The following AUH variants were observed in gnomAD, a reference collection of about 807,000 sequenced individuals.
The protein encoded by AUH is methylglutaconyl-CoA hydratase, mitochondrial.
A neutral mutation model predicts 42.3 loss-of-function variants in AUH; 29 were observed. That is an observed-to-expected ratio of 0.69 (90% CI 0.51 to 0.93). The LOEUF (loss-of-function observed/expected upper bound fraction) is 0.93, where lower values mean the gene tolerates loss of function less well. Among genes scored for constraint, AUH ranks in the 40% least tolerant of loss-of-function variants. The pLI is 0.00. For synonymous variants in AUH, 174 were observed against 166.4 expected (o/e 1.05, Z -0.35); for missense variants, 452 against 438.1 (o/e 1.03, Z -0.28).
chr9:91,233,282 G>C (rs1827993174), intron 6 of AUH, among the ~76,000 whole-genome samples: 1 of 152,150 alleles, frequency 6.6e-6, no homozygotes, highest in South Asian at 2.1e-4. Context: ...ACACAGGTCT[G>C]GGGAATGCAT....
chr9:91,247,270 G>GC (rs1290586226), intron 6 of AUH, among the ~76,000 whole-genome samples: 1 of 152,132 alleles, frequency 6.6e-6, no homozygotes, highest in Non-Finnish European at 1.5e-5. Context: ...GTGCTACTCT[G>GC]CAAGAGGGTA....
chr9:91,222,815 C>CT (rs1262954204), intron 6 of AUH, among the ~76,000 whole-genome samples: 1 of 152,150 alleles, frequency 6.6e-6, no homozygotes, highest in South Asian at 2.1e-4. Context: ...GGAAATGGTT[C>CT]TTTCTCATGT....
In AUH at chr9:91,318,057, T is replaced by C. The variant is rs527840114; in HGVS notation, c.505+7261A>G. On this transcript the variant is annotated intron_variant, in intron 4 of 9. Coordinates refer to ENST00000375731, the MANE Select transcript of AUH (RefSeq NM_001698.3). ...CTATTCCTTTCTTCCATTGTTTCTC[T>C]CGGATTTAGGTATAAAGATTACACT... Among the ~76,000 whole-genome samples, 235 of 152,356 alleles carry C rather than the reference T, an allele frequency of 1.5e-3. 2 individuals are homozygous for C. Among genetic ancestry groups the C allele is most frequent in the Non-Finnish European group, 2.5e-3 (169 of 68,038 alleles).
chr9:91,336,439 G>C (rs771563302), intron 3 of AUH, among the ~76,000 whole-genome samples: 1 of 152,016 alleles, frequency 6.6e-6, no homozygotes, highest in Admixed American at 6.6e-5. Context: ...AGACCAGTCT[G>C]GCTAACATGG....
At chr9:91,346,201 A>G (rs1465712461) in intron 3 of AUH, among the ~76,000 whole-genome samples, 3 of 152,124 alleles carry the variant, frequency 2.0e-5, no homozygotes, top group Admixed American at 1.3e-4. Context: ...GGTCACCAGA[A>G]ATATCAAGCC....
chr9:91,310,737 A>G (rs937471992), intron 4 of AUH, among the ~76,000 whole-genome samples: 12 of 152,198 alleles, frequency 7.9e-5, no homozygotes, highest in Admixed American at 5.2e-4. Flanking sequence ...ATATAATGGA[A>G]CTTCAAGCTT....
At chr9:91,295,015 A>G (rs371192953) in intron 6 of AUH, among the ~76,000 whole-genome samples, 24 of 152,166 alleles carry the variant, frequency 1.6e-4, no homozygotes, top group Admixed American at 7.2e-4. Context: ...AGATCACTGA[A>G]CCATGGAGGC....
chr9:91,325,952 A>T (rs1310737523), intron 3 of AUH, among the ~76,000 whole-genome samples: 1 of 152,148 alleles, frequency 6.6e-6, no homozygotes, highest in Non-Finnish European at 1.5e-5. Flanking sequence ...TGTCAACCAC[A>T]AGGGAGAAGC....
intron 1 of AUH, among the ~76,000 whole-genome samples, chr9:91,360,684 G>GC (rs1409817676): frequency 6.6e-6 from 1 of 152,132 alleles, no homozygotes; most frequent in African/African-American, 2.4e-5. Flanking sequence ...AGGTATTACA[G>GC]CCCTTTCCTC....
At chr9:91,238,867 A>T (rs890780864) in intron 6 of AUH, among the ~76,000 whole-genome samples, 4 of 152,232 alleles carry the variant, frequency 2.6e-5, no homozygotes, top group Admixed American at 6.5e-5. Context: ...GCCTCTTGGG[A>T]GCCATGAGAA....
chr9:91,221,104 T>C, intron 6 of AUH, 112 bp from the exon 7 acceptor site: 1 of 1,201,418 alleles, frequency 8.3e-7, no homozygotes, highest in Non-Finnish European at 1.2e-6. Flanking sequence ...AGTTTATATG[T>C]TAAAATTAGT....
intron 6 of AUH, among the ~76,000 whole-genome samples, chr9:91,248,792 T>C (rs1473992443): frequency 6.6e-6 from 1 of 152,188 alleles, no homozygotes; most frequent in African/African-American, 2.4e-5. Flanking sequence ...CAAAAGGATG[T>C]GATTTCAGGA....
chr9:91,252,812 A>C (rs1829208799), intron 6 of AUH, among the ~76,000 whole-genome samples: 1 of 152,224 alleles, frequency 6.6e-6, no homozygotes, highest in Non-Finnish European at 1.5e-5. Context: ...ACCTTTTGAC[A>C]TGGAGGTACC....
intron 6 of AUH, among the ~76,000 whole-genome samples, chr9:91,285,334 T>G (rs1376986353): frequency 1.3e-5 from 2 of 151,782 alleles, no homozygotes; most frequent in African/African-American, 2.4e-5. Flanking sequence ...GGGGGAGGGA[T>G]AGCATTAGGA....
At chr9:91,275,079 C>T (rs907149743) in intron 6 of AUH, among the ~76,000 whole-genome samples, 11 of 152,226 alleles carry the variant, frequency 7.2e-5, no homozygotes, top group African/African-American at 2.7e-4. Flanking sequence ...ACAACACACA[C>T]TGGGTGGTGA....
chr9:91,307,345 C>A (rs1437474976), intron 4 of AUH, among the ~76,000 whole-genome samples: 1 of 152,132 alleles, frequency 6.6e-6, no homozygotes, highest in Non-Finnish European at 1.5e-5. Flanking sequence ...TGAACAAGGG[C>A]TGATGCAGAG....
intron 6 of AUH, among the ~76,000 whole-genome samples, chr9:91,230,073 C>T (rs1174415995): frequency 2.6e-5 from 4 of 151,052 alleles, no homozygotes; most frequent in African/African-American, 7.3e-5. Flanking sequence ...TTGTGGCGTT[C>T]TCTGTATTTC....
intron 6 of AUH, among the ~76,000 whole-genome samples, chr9:91,276,657 C>T (rs1825567747): frequency 6.6e-6 from 1 of 152,066 alleles, no homozygotes; most frequent in South Asian, 2.1e-4. Context: ...TAATGAAACA[C>T]TAAACTTTTT....
At chr9:91,306,331 G>A in intron 4 of AUH, 1 of 983,514 alleles carries the variant, frequency 1.0e-6, no homozygotes, top group Non-Finnish European at 1.2e-6. Context: ...ACACTTACTA[G>A]TAGAACTGAG....
Sources: allele counts gnomAD v4.1 joint callset (sites outside exome capture counted in the v4.1 genomes callset), GRCh38; gene constraint gnomAD v4.1.1; transcripts MANE v1.5; gene names NCBI Gene and HGNC (gene_info 2026-07-23, HGNC 2026-07-21).